The following ZNF695 variants were observed in gnomAD, a reference collection of about 807,000 sequenced individuals.
ZNF695 encodes the protein zinc finger protein SBZF3.
ZNF695 carries 11 observed loss-of-function variants against 11.2 expected under a neutral mutation model. The observed-to-expected ratio is 0.98, with a 90% CI of 0.62 to 1.62. The LOEUF is 1.62. Among genes scored for constraint, ZNF695 ranks in the 40% most tolerant of loss-of-function variants. The probability of loss-of-function intolerance (pLI) is 0.00; values close to 1 mark genes in which losing one functional copy is unlikely to be tolerated. For missense variants in ZNF695, 559 were observed against 590.5 expected, an observed-to-expected ratio of 0.95 and a Z score of 0.55; for synonymous variants, 190 against 201.4, an observed-to-expected ratio of 0.94 and a Z score of 0.48.
At chr1:246,956,633 T>A (rs972140276) in intron 5 of ZNF695, among the ~76,000 whole-genome samples, 1 of 151,990 alleles carries the variant, frequency 6.6e-6, no homozygotes, top group Non-Finnish European at 1.5e-5. Flanking sequence ...AAAAAAAAGA[T>A]CATGGGATAA....
At chr1:246,998,969 A>C (rs1669283668) in intron 3 of ZNF695, among the ~76,000 whole-genome samples, 1 of 148,144 alleles carries the variant, frequency 6.8e-6, no homozygotes, top group Non-Finnish European at 1.5e-5. Context: ...CTCTGTCTCA[A>C]GAAAACAAAT....
intron 1 of ZNF695, 119 bp downstream of exon 1, chr1:247,007,787 C>G (rs1446007669): frequency 8.2e-7 from 1 of 1,224,150 alleles, no homozygotes; most frequent in Non-Finnish European, 1.1e-6. Flanking sequence ...GGGACTCGGC[C>G]GCACACTCCG....
Position 246,987,218 on chromosome 1 carries a change from C to G in ZNF695, c.1297G>C (p.Glu433Gln), listed in dbSNP as rs879213182. 6.2e-7 allele frequency: 1 copy of G among 1,613,804 alleles called. No individual in the cohort carries two copies. Among genetic ancestry groups the G allele is most frequent in the Non-Finnish European group, 8.5e-7 (1 of 1,179,966 alleles). ...LTQHKRIHTG[E>Q]KPYKCDECGK... ...CATTCATCACATTTGTAGGGTTTCT[C>G]TCCAGTATGAATTCTCTTATGTTGA... The change falls in exon 4 of 4, where the codon GAG becomes CAG. Residue 433 changes from glutamate to glutamine, a missense_variant. Coordinates refer to ENST00000339986, the MANE Select transcript of ZNF695 (RefSeq NM_020394.5).
chr1:247,006,202 G>T (rs370369321), intron 1 of ZNF695, among the ~76,000 whole-genome samples: 1 of 148,406 alleles, frequency 6.7e-6, no homozygotes, highest in African/African-American at 2.5e-5. Context: ...TCCAGCCTGG[G>T]CGACAGAGCG....
At chr1:246,980,202 A>C (rs1175801856) in intron 4 of ZNF695, among the ~76,000 whole-genome samples, 3 of 150,918 alleles carry the variant, frequency 2.0e-5, no homozygotes, top group Admixed American at 1.3e-4. Context: ...AAAAAAAAAA[A>C]AACTTATGCT....
chr1:246,966,028 A>G (rs1489179521), intron 5 of ZNF695, among the ~76,000 whole-genome samples: 1 of 152,004 alleles, frequency 6.6e-6, no homozygotes, highest in Non-Finnish European at 1.5e-5. Flanking sequence ...CATTTGAGCA[A>G]AGACTTGAAG....
intron 5 of ZNF695, among the ~76,000 whole-genome samples, chr1:246,958,034 TTTTTG>T (rs949851818): frequency 2.7e-5 from 4 of 148,564 alleles, no homozygotes; most frequent in Admixed American, 1.3e-4. Context: ...AGGGACTTGG[TTTTTG>T]TTTTGTTTTG....
At position 246,987,824 on chromosome 1, in the gene ZNF695, T is replaced by TA; in HGVS notation, c.690dup (p.Lys231Ter). On this transcript the variant is annotated frameshift_variant, in exon 4 of 4. Transcript: ENST00000339986. LOFTEE classifies it low-confidence loss of function (END_TRUNC). ...TGTTTCTCTCCAACATGAATTCTCT[T>TA]ACAGTCAGTAAAGCATGAGCACTCA... 1 of 1,611,914 alleles carries TA rather than the reference T, an allele frequency of 6.2e-7. No homozygotes were observed. Among genetic ancestry groups the TA allele is most frequent in the Middle Eastern group, 1.7e-4 (1 of 6,048 alleles).
intron 5 of ZNF695, among the ~76,000 whole-genome samples, chr1:246,953,013 T>C (rs184003671): frequency 5.9e-5 from 9 of 152,240 alleles, no homozygotes; most frequent in African/African-American, 2.2e-4. Context: ...AGCCACAATT[T>C]AGAAGGGCAT....
At chr1:246,990,652 G>T (rs1021888975) in intron 3 of ZNF695, among the ~76,000 whole-genome samples, 6 of 152,186 alleles carry the variant, frequency 3.9e-5, no homozygotes, top group Non-Finnish European at 7.3e-5. Flanking sequence ...TGCAACAGCT[G>T]CAGAATACAC....
At chr1:246,972,790 T>C (rs1046075862) in intron 4 of ZNF695, among the ~76,000 whole-genome samples, 3 of 152,044 alleles carry the variant, frequency 2.0e-5, no homozygotes, top group African/African-American at 7.2e-5. Flanking sequence ...AGTGCTGGGA[T>C]TGCAGGCGTG....
chr1:246,958,323 G>A (rs937103103), intron 5 of ZNF695, among the ~76,000 whole-genome samples: 2 of 152,008 alleles, frequency 1.3e-5, no homozygotes, highest in African/African-American at 4.8e-5. Flanking sequence ...CTCCCAAAGT[G>A]CTGGGATTAC....
At chr1:246,958,121 C>T (rs1009023912) in intron 5 of ZNF695, among the ~76,000 whole-genome samples, 15 of 151,388 alleles carry the variant, frequency 9.9e-5, no homozygotes, top group South Asian at 2.1e-4. Context: ...TGCAGTGGCG[C>T]GATCTCGGCT....
At position 246,975,161 on chromosome 1, in the gene ZNF695, A is replaced by G. The variant is rs143849506; in HGVS notation, c.391-7369T>C. On this transcript the variant is annotated intron_variant, in intron 4 of 5. Transcript: ENST00000487338. ...AGTTCCATAGGCTAAGGATCCTTACATATATTGTCATTCACCATATAAACC... is the reference window on the plus strand; with the variant it reads ...AGTTCCATAGGCTAAGGATCCTTACGTATATTGTCATTCACCATATAAACC... Among the ~76,000 whole-genome samples the G allele has an allele frequency of 3.3e-5, 5 of 152,336 alleles. No homozygotes were observed. The East Asian group carries it at 9.7e-4, about 29-fold the overall frequency.
chr1:246,975,236 C>T (rs1047388153), intron 4 of ZNF695, among the ~76,000 whole-genome samples: 6 of 152,104 alleles, frequency 3.9e-5, no homozygotes, highest in African/African-American at 1.4e-4. Flanking sequence ...TGAATACGTA[C>T]TGCATTCATA....
chr1:246,989,500 G>T (rs12048616), intron 3 of ZNF695, among the ~76,000 whole-genome samples: 6 of 151,808 alleles, frequency 4.0e-5, no homozygotes, highest in Non-Finnish European at 7.4e-5. Context: ...ATGAAAATCA[G>T]GAAACTAAAT....
chr1:246,974,788 A>G (rs1668516675), intron 4 of ZNF695, among the ~76,000 whole-genome samples: 1 of 152,180 alleles, frequency 6.6e-6, no homozygotes, highest in South Asian at 2.1e-4. Flanking sequence ...ATCTTTCCAG[A>G]AAAGCAGCAC....
chr1:246,980,717 C>T (rs909372625), downstream of ZNF695, among the ~76,000 whole-genome samples: 7 of 152,064 alleles, frequency 4.6e-5, no homozygotes, highest in African/African-American at 1.4e-4. Context: ...CGCACCCGGC[C>T]GAGTTTACCC....
chr1:246,946,250 C>T (rs781483635), intron 5 of ZNF695, among the ~76,000 whole-genome samples: 2 of 151,798 alleles, frequency 1.3e-5, no homozygotes, highest in Non-Finnish European at 1.5e-5. Context: ...GTCTACCTAT[C>T]ACTATATGAC....
Sources: gnomAD v4.1 joint callset for allele counts (sites outside exome capture counted in the v4.1 genomes callset) on GRCh38, gnomAD v4.1.1 for gene constraint, MANE v1.5 for transcripts, NCBI Gene and HGNC (gene_info 2026-07-23, HGNC 2026-07-21) for gene names.